MEMO1: variants seen among roughly 807,000 people sequenced by gnomAD.
MEMO1 encodes the protein protein MEMO1.
In MEMO1, 6 loss-of-function variants were observed where a neutral mutation model predicts 45.2. The observed-to-expected ratio is 0.13, with a 90% CI of 0.07 to 0.26. MEMO1 has a LOEUF of 0.26. Among genes scored for constraint, MEMO1 ranks in the 10% least tolerant of loss-of-function variants. The pLI is 1.00. For synonymous variants in MEMO1, 78 were observed against 124.3 expected (o/e 0.63, Z 2.48); for missense variants, 184 against 370.5 (o/e 0.50, Z 4.13).
Position 31,913,131 on chromosome 2 carries a change from G to C in MEMO1, c.437+4795C>G, listed in dbSNP as rs577330125. On this transcript the variant is annotated intron_variant, in intron 6 of 9. Transcript: ENST00000404530. The stretch of plus-strand genomic sequence containing the variant: ...AATACAAAAATTAGCTGGGCATGGT[G>C]GCAGGTGCCTGTAATCCCAACTACT... 3.9e-5 allele frequency among the ~76,000 whole-genome samples: 6 copies of C among 151,966 alleles called. No individual in the cohort carries two copies. In the East Asian group the frequency reaches 7.7e-4, roughly 20 times the overall value.
intron 8 of MEMO1, among the ~76,000 whole-genome samples, chr2:31,882,385 A>G (rs182096440): frequency 5.5e-4 from 84 of 152,266 alleles, no homozygotes; most frequent in African/African-American, 1.9e-3. Flanking sequence ...AAATCAAAAC[A>G]AAAATGAAAT....
chr2:31,933,356 TATATATA>T (rs1664516328), intron 3 of MEMO1, among the ~76,000 whole-genome samples: 1 of 24,270 alleles, frequency 4.1e-5, no homozygotes, highest in Non-Finnish European at 8.3e-5. Context: ...AAAATTTATA[TATATATA>T]TATATATATA....
intron 6 of MEMO1, among the ~76,000 whole-genome samples, chr2:31,906,079 TCTCCTGCCTCAGCCTC>T (rs1465121030): frequency 6.6e-6 from 1 of 151,282 alleles, no homozygotes; most frequent in Non-Finnish European, 1.5e-5. Flanking sequence ...TTCACACAAT[TCTCCTGCCTCAGCCTC>T]CCGAGTAGCT....
chr2:32,010,601 G>A (rs1674778588), intron 1 of MEMO1: 2 of 122,680 alleles, frequency 1.6e-5, no homozygotes, highest in South Asian at 1.3e-4. Flanking sequence ...CCGCCCCCAC[G>A]GCCCCCTCCC....
chr2:31,907,675 C>T (rs1336871882), intron 6 of MEMO1, among the ~76,000 whole-genome samples: 1 of 151,912 alleles, frequency 6.6e-6, no homozygotes, highest in African/African-American at 2.4e-5. Context: ...CATCTGTGTT[C>T]CCAGCTATTT....
At chr2:31,906,309 G>GTT (rs1679729878) in intron 6 of MEMO1, among the ~76,000 whole-genome samples, 1 of 147,468 alleles carries the variant, frequency 6.8e-6, no homozygotes, top group African/African-American at 2.5e-5. Flanking sequence ...TGTTTTTTTT[G>GTT]TTTGTTTGTT....
chr2:31,956,909 C>A (rs188537305), intron 2 of MEMO1, among the ~76,000 whole-genome samples: 3 of 151,946 alleles, frequency 2.0e-5, no homozygotes, highest in Non-Finnish European at 2.9e-5. Flanking sequence ...TTTGGGAGGC[C>A]GAGGCAGGCA....
Position 31,867,930 on chromosome 2 carries a change from C to A in MEMO1, c.*431G>T, listed in dbSNP as rs1161035552. 4 of 152,102 alleles carry A rather than the reference C, an allele frequency of 2.6e-5. No individual in the cohort carries two copies. The highest frequency in any genetic ancestry group is 1.3e-4 in the Admixed American group (2 of 15,208). 9.4% of individuals were successfully genotyped at this position (152,102 alleles called of 1,614,324 possible). A position where few individuals can be genotyped will look rare whatever the true frequency, so the allele number is the denominator to read the frequency against. On this transcript the variant is annotated 3_prime_UTR_variant, in exon 10 of 10. Transcript: ENST00000404530. Reference sequence around the variant, plus strand: ...AGATTTATTATATTCTAATACAGATCATTTATAAATGCAATTTCTTTATTA... The same window carrying A: ...AGATTTATTATATTCTAATACAGATAATTTATAAATGCAATTTCTTTATTA...
intron 8 of MEMO1, among the ~76,000 whole-genome samples, chr2:31,872,003 G>GA (rs929930903): frequency 1.2e-5 from 1 of 81,608 alleles, no homozygotes; most frequent in African/African-American, 5.5e-5. Context: ...GACAGAGCAA[G>GA]ACTCTGTCTC....
At chr2:32,010,750 C>T (rs1268471493) in intron 1 of MEMO1, among the ~76,000 whole-genome samples, 192 bp downstream of exon 1, 1 of 151,210 alleles carries the variant, frequency 6.6e-6, no homozygotes, top group Non-Finnish European at 1.5e-5. Context: ...CCGCCCGCCG[C>T]CGGCCCCGCC....
intron 2 of MEMO1, among the ~76,000 whole-genome samples, chr2:31,969,586 GGTGTGTGTGTGTGT>G (rs367639470): frequency 5.8e-4 from 69 of 119,262 alleles, no homozygotes; most frequent in African/African-American, 9.2e-4. Flanking sequence ...TGTGTGTGTG[GGTGTGTGTGTGTGT>G]GTGTGTGTGT....
rs1418971354 is a variant in MEMO1 at position 31,929,654 on chromosome 2, G to C, written c.212+2413C>G. On this transcript the variant is annotated intron_variant, in intron 4 of 9. Transcript: ENST00000404530. ...TGTAATGCCTTTTAAAATCATATTTGTACCCCCCACCCACTTTTAAATTCT... is the reference window on the plus strand; with the variant it reads ...TGTAATGCCTTTTAAAATCATATTTCTACCCCCCACCCACTTTTAAATTCT... Among the ~76,000 whole-genome samples, 3 of 152,122 alleles carry C rather than the reference G, an allele frequency of 2.0e-5. No individual in the cohort carries two copies. The East Asian group carries it at 5.8e-4, about 29-fold the overall frequency.
intron 4 of MEMO1, among the ~76,000 whole-genome samples, chr2:31,924,325 G>T (rs1229169730): frequency 6.6e-6 from 1 of 151,734 alleles, no homozygotes; most frequent in African/African-American, 2.4e-5. Context: ...ATTTTGAAGA[G>T]AAATAAATAA....
intron 2 of MEMO1, among the ~76,000 whole-genome samples, chr2:31,956,311 C>T (rs1021634614): frequency 6.7e-6 from 1 of 149,522 alleles, no homozygotes; most frequent in Non-Finnish European, 1.5e-5. Flanking sequence ...ACTTCCCACA[C>T]AAGGTAGCAC....
chr2:31,933,705 C>T (rs1664575630), intron 3 of MEMO1, among the ~76,000 whole-genome samples: 1 of 151,980 alleles, frequency 6.6e-6, no homozygotes. Flanking sequence ...TAATATGGAA[C>T]ATACACTAAG....
At chr2:31,930,708 C>T (rs1486559847) in intron 4 of MEMO1, among the ~76,000 whole-genome samples, 5 of 151,854 alleles carry the variant, frequency 3.3e-5, no homozygotes, top group Admixed American at 1.3e-4. Flanking sequence ...TGCGGTGGCG[C>T]GATCTTGGCT....
At chr2:32,001,386 C>T (rs929101370) in intron 2 of MEMO1, among the ~76,000 whole-genome samples, 1 of 151,810 alleles carries the variant, frequency 6.6e-6, no homozygotes, top group South Asian at 2.1e-4. Context: ...TAGGACTAGC[C>T]TAATTAAAAT....
intron 8 of MEMO1, among the ~76,000 whole-genome samples, chr2:31,880,566 T>C (rs1675211637): frequency 1.3e-5 from 2 of 152,300 alleles, no homozygotes; most frequent in South Asian, 4.1e-4. Flanking sequence ...CTAAAACATA[T>C]GCATAAGGCT....
At chr2:31,895,459 T>TA (rs1677624996) in intron 6 of MEMO1, among the ~76,000 whole-genome samples, 1 of 152,200 alleles carries the variant, frequency 6.6e-6, no homozygotes, top group African/African-American at 2.4e-5. Context: ...GTGGAAATTT[T>TA]AGAGTTGAAT....
Sources: allele counts gnomAD v4.1 joint callset (sites outside exome capture counted in the v4.1 genomes callset), GRCh38; gene constraint gnomAD v4.1.1; transcripts MANE v1.5; gene names NCBI Gene and HGNC (gene_info 2026-07-23, HGNC 2026-07-21).